SREK1: variants seen among roughly 807,000 people sequenced by gnomAD.
SREK1 encodes splicing regulatory glutamic acid and lysine rich protein 1, also known as splicing regulatory glutamine/lysine-rich protein 1.
A neutral mutation model predicts 66.5 loss-of-function variants in SREK1; 13 were observed. The observed-to-expected ratio is 0.20, with a 90% CI of 0.13 to 0.31. The LOEUF (loss-of-function observed/expected upper bound fraction) is 0.31, where lower values mean the gene tolerates loss of function less well. Ranked by LOEUF, SREK1 falls within the 10% of genes least tolerant of loss-of-function variation. The pLI, the probability that SREK1 is intolerant of heterozygous loss-of-function variation, is 1.00. For missense variants in SREK1, 607 were observed against 769.6 expected (o/e 0.79, Z 2.50); for synonymous variants, 265 against 263.5 (o/e 1.01, Z -0.05).
Position 66,170,756 on chromosome 5 carries a change from G to A in SREK1, c.1293G>A (p.Lys431=), listed in dbSNP as rs1466537713. The A allele has an allele frequency of 6.2e-7, 1 of 1,600,006 alleles. No individual in the cohort carries two copies. The highest frequency in any genetic ancestry group is 8.5e-7 in the Non-Finnish European group (1 of 1,172,850). ...REKDREKDKE[K]DREREREKEH... Reference sequence around the variant, plus strand: ...AGGACCGGGAAAAAGACAAGGAAAAGGACAGAGAGAGAGAACGGGAAAAAG... The same window carrying A: ...AGGACCGGGAAAAAGACAAGGAAAAAGACAGAGAGAGAGAACGGGAAAAAG... Residue 431 remains lysine (K), a synonymous_variant, in exon 9 of 12, where the codon AAG becomes AAA. Coordinates refer to ENST00000334121, the MANE Select transcript of SREK1 (RefSeq NM_001077199.3).
At chr5:66,175,776 T>C (rs1051714649) in intron 10 of SREK1, among the ~76,000 whole-genome samples, 7 of 152,186 alleles carry the variant, frequency 4.6e-5, no homozygotes, top group African/African-American at 1.4e-4. Context: ...CTGTATACTC[T>C]GCCCATTTTC....
rs1402190884 is a variant in SREK1, at chr5:66,183,002, A to G, written c.*4134A>G. ...AGTTTCTAGCAATTAGTTTGTTACA[A>G]TTAGCTTATATCAGATATAACAGTT... On this transcript the variant is annotated 3_prime_UTR_variant, in exon 12 of 12. Transcript: ENST00000334121. The G allele has an allele frequency of 2.0e-5, 3 of 152,348 alleles. No homozygotes were observed. The highest frequency in any genetic ancestry group is 6.5e-5 in the Admixed American group (1 of 15,300). 9.4% of individuals were successfully genotyped at this position (152,348 alleles called of 1,614,324 possible).
chr5:66,162,125 G>A lies in SREK1; in HGVS notation c.428G>A (p.Ser143Asn). 1 of 1,611,742 alleles carries A rather than the reference G, an allele frequency of 6.2e-7. No individual in the cohort carries two copies. The highest frequency in any genetic ancestry group is 8.5e-7 in the Non-Finnish European group (1 of 1,179,146). The stretch of plus-strand genomic sequence containing the variant: ...TTTCGATAGCTTGGTGTTTCACTTA[G>A]CAGTTTGGGAGCTATACCAGCAGCA... ...NPLTTLGVSL[S>N]SLGAIPAAAL... The change falls in exon 4 of 12, where the codon AGC (serine) becomes AAC (asparagine). Residue 143 changes from serine to asparagine, a missense_variant. By Grantham distance (46) the Ser-to-Asn change is conservative (BLOSUM62 1). This residue lies in a region of SREK1 where 99 missense variants were observed against 186.6 expected (regional missense o/e 0.53). Coordinates refer to ENST00000334121, the MANE Select transcript of SREK1 (RefSeq NM_001077199.3).
Position 66,182,596 on chromosome 5 carries a change from ACT to A in SREK1, c.*3731_*3732del, listed in dbSNP as rs972053219. Reference sequence around the variant, plus strand: ...ACTTTTCTTTTTGAGACAGGGTCTCACTCTGTCACTCAGGCTGGAGTGCAGTG... The same window carrying A: ...ACTTTTCTTTTTGAGACAGGGTCTCACTGTCACTCAGGCTGGAGTGCAGTG... On this transcript the variant is annotated 3_prime_UTR_variant, in exon 12 of 12. Coordinates refer to ENST00000334121, the MANE Select transcript of SREK1 (RefSeq NM_001077199.3). 3.3e-5 allele frequency: 5 copies of A among 151,928 alleles called. No homozygotes were observed. Among genetic ancestry groups the A allele is most frequent in the African/African-American group, 7.3e-5 (3 of 41,336 alleles). 9.4% of individuals were successfully genotyped at this position (151,928 alleles called of 1,614,324 possible).
At chr5:66,160,800 C>A (rs1744694525) in intron 3 of SREK1, among the ~76,000 whole-genome samples, 2 of 152,156 alleles carry the variant, frequency 1.3e-5, no homozygotes. Context: ...TATATATAGT[C>A]ATTAATGGTC....
chr5:66,162,742 A>G lies in SREK1; in HGVS notation c.755+150A>G, dbSNP rs940327607. The stretch of plus-strand genomic sequence containing the variant: ...TAAGTATAAATGAAATACATGAGAT[A>G]CTTACCATTTTAGTCTTTAAATTCC... On this transcript the variant is annotated intron_variant, in intron 5 of 11. Coordinates refer to ENST00000334121, the MANE Select transcript of SREK1 (RefSeq NM_001077199.3). 43 of 632,004 alleles carry G rather than the reference A, an allele frequency of 6.8e-5. No individual in the cohort carries two copies. In the East Asian group the frequency reaches 1.2e-3, roughly 18 times the overall value. The allele number at this position is 632,004 out of a possible 1,614,324, so 39.1% of individuals were successfully genotyped here.
At chr5:66,145,106 A>T (rs1580605028) in intron 1 of SREK1, 1 of 985,686 alleles carries the variant, frequency 1.0e-6, no homozygotes, top group East Asian at 1.1e-4. Context: ...CCCAAAGATC[A>T]TGTCTGTTAG....
At chr5:66,176,256 G>A (rs1300062455) in intron 10 of SREK1, among the ~76,000 whole-genome samples, 1 of 152,024 alleles carries the variant, frequency 6.6e-6, no homozygotes, top group South Asian at 2.1e-4. Context: ...GTCTATTTCT[G>A]GGTCTTCTGT....
At chr5:66,156,604 C>G (rs1207921005) in intron 2 of SREK1, 19 of 985,280 alleles carry the variant, frequency 1.9e-5, no homozygotes, top group Admixed American at 6.2e-5. Flanking sequence ...GTCTACATCT[C>G]TCATAAAAAC....
chr5:66,182,857 T>G lies in SREK1; in HGVS notation c.*3989T>G, dbSNP rs1746604869. The G allele has an allele frequency of 6.6e-6, 1 of 152,226 alleles. No individual in the cohort carries two copies. Among genetic ancestry groups the G allele is most frequent in the Admixed American group, 6.5e-5 (1 of 15,280 alleles). The allele number at this position is 152,226 out of a possible 1,614,324, so 9.4% of individuals were successfully genotyped here. On this transcript the variant is annotated 3_prime_UTR_variant, in exon 12 of 12. Transcript: ENST00000334121. ...TGCTGAGATTACAGGTGTGAGGTACTGCACCTGGCAATACGTTATTTTAAA... is the reference window on the plus strand; with the variant it reads ...TGCTGAGATTACAGGTGTGAGGTACGGCACCTGGCAATACGTTATTTTAAA...
In SREK1 at chr5:66,180,519, G is replaced by C. The variant is rs1356612728; in HGVS notation, c.*1651G>C. 2 of 152,582 alleles carry C rather than the reference G, an allele frequency of 1.3e-5. No homozygotes were observed. 9.5% of individuals were successfully genotyped at this position (152,582 alleles called of 1,614,324 possible). ...TTTAGTATTTAGTGGGGAATGGAAA[G>C]AGTTGCCCTTGTTGCAAGTAATGAA... On this transcript the variant is annotated 3_prime_UTR_variant, in exon 12 of 12. Coordinates refer to ENST00000334121, the MANE Select transcript of SREK1 (RefSeq NM_001077199.3).
In SREK1 at chr5:66,170,081, A is replaced by C. The variant is rs371771259; in HGVS notation, c.1032A>C (p.Arg344Ser). 2 of 1,610,974 alleles carry C rather than the reference A, an allele frequency of 1.2e-6. No individual in the cohort carries two copies. Among genetic ancestry groups the C allele is most frequent in the Non-Finnish European group, 1.7e-6 (2 of 1,178,416 alleles). Residue 344 changes from arginine (R) to serine (S), a missense_variant, in exon 8 of 12, where the codon AGA becomes AGC. Transcript: ENST00000334121. ...RSRSHNRSRS[R>S]QKDRRRSKSP... Reference sequence around the variant, plus strand: ...GATCCCATAATAGATCACGTTCAAGACAGAAAGACAGACGTAGATCTAAGA... The same window carrying C: ...GATCCCATAATAGATCACGTTCAAGCCAGAAAGACAGACGTAGATCTAAGA...
chr5:66,172,540 T>A (rs1745728637), intron 9 of SREK1, among the ~76,000 whole-genome samples: 1 of 151,954 alleles, frequency 6.6e-6, no homozygotes, highest in Non-Finnish European at 1.5e-5. Flanking sequence ...GGATTACAGG[T>A]GTGCACCACC....
At chr5:66,149,154 C>T (rs911911410) in intron 1 of SREK1, among the ~76,000 whole-genome samples, 10 of 152,126 alleles carry the variant, frequency 6.6e-5, no homozygotes, top group African/African-American at 2.4e-4. Flanking sequence ...GAGTTCGAGA[C>T]CTGTCTGGCC....
At chr5:66,145,990 A>ATG (rs1401839692) in intron 1 of SREK1, among the ~76,000 whole-genome samples, 1 of 151,920 alleles carries the variant, frequency 6.6e-6, no homozygotes, top group Admixed American at 6.6e-5. Context: ...ATATAGAGAT[A>ATG]TGTGTATATA....
At chr5:66,176,696 C>T (rs991126429) in intron 10 of SREK1, among the ~76,000 whole-genome samples, 4 of 152,056 alleles carry the variant, frequency 2.6e-5, no homozygotes, top group Admixed American at 2.0e-4. Context: ...TTGTTTCATA[C>T]AGGCTTTATG....
rs1742973869 is a variant in SREK1, at chr5:66,144,526, C to G, written c.150C>G (p.Leu50=). Reference sequence around the variant, plus strand: ...TAGGAGAAATCGAGGAGCTGCGGCTCTACCCCCCGGAGTAAGTGCTGGAGC... The same window carrying G: ...TAGGAGAAATCGAGGAGCTGCGGCTGTACCCCCCGGAGTAAGTGCTGGAGC... ...SFLGEIEELR[L]YPPDNAPLAF... The change falls in exon 1 of 12, where the codon CTC becomes CTG. Residue 50 remains leucine, a synonymous_variant. Transcript: ENST00000334121. 6.4e-7 allele frequency: 1 copy of G among 1,552,548 alleles called. No homozygotes were observed. Among genetic ancestry groups the G allele is most frequent in the African/African-American group, 1.4e-5 (1 of 73,204 alleles).
chr5:66,151,687 G>T (rs1241261837), intron 1 of SREK1, among the ~76,000 whole-genome samples: 1 of 152,084 alleles, frequency 6.6e-6, no homozygotes, highest in Non-Finnish European at 1.5e-5. Context: ...AAGTCTGGAT[G>T]TGCATACAGT....
At chr5:66,157,148 T>C in intron 2 of SREK1, 1 of 947,836 alleles carries the variant, frequency 1.1e-6, no homozygotes, top group Non-Finnish European at 1.3e-6. Context: ...TATTAAAAAA[T>C]GTGCTTATAG....
Sources: allele counts gnomAD v4.1 joint callset (sites outside exome capture counted in the v4.1 genomes callset), GRCh38; gene constraint gnomAD v4.1.1; regional missense constraint gnomAD v4.1.1; transcripts MANE v1.5; gene names NCBI Gene and HGNC (gene_info 2026-07-23, HGNC 2026-07-21).